Variants in NRG1 observed in about 807,000 individuals in gnomAD.
The protein encoded by NRG1 is neuregulin 1.
In NRG1, 18 loss-of-function variants were observed where a neutral mutation model predicts 63.8. The ratio of observed to expected loss-of-function variants is 0.28; its 90% confidence interval spans 0.19 to 0.42. The LOEUF is 0.42. Among genes scored for constraint, NRG1 ranks in the 10% least tolerant of loss-of-function variants. The probability of loss-of-function intolerance (pLI) is 1.00; values close to 1 mark genes in which losing one functional copy is unlikely to be tolerated. For synonymous variants in NRG1, 302 were observed against 301.3 expected (o/e 1.00, Z -0.02); for missense variants, 762 against 814.7 (o/e 0.94, Z 0.79).
At chr8:31,817,781 G>A (rs1003624763) in intron 1 of NRG1, among the ~76,000 whole-genome samples, 4 of 152,172 alleles carry the variant, frequency 2.6e-5, no homozygotes, top group Non-Finnish European at 4.4e-5. Context: ...AATGTGACAT[G>A]TTTTAGATTT....
intron 1 of NRG1, among the ~76,000 whole-genome samples, chr8:32,045,412 A>C (rs914335232): frequency 6.6e-6 from 1 of 151,938 alleles, no homozygotes; most frequent in African/African-American, 2.4e-5. Context: ...TACTGAGTTG[A>C]TCTATAGATT....
chr8:32,272,683 C>T (rs1340018528), intron 1 of NRG1, among the ~76,000 whole-genome samples: 1 of 152,152 alleles, frequency 6.6e-6, no homozygotes, highest in Non-Finnish European at 1.5e-5. Context: ...GATGAGAGTT[C>T]TTCACATAAA....
Position 32,045,610 on chromosome 8 carries a change from C to T in NRG1, c.37+406179C>T, listed in dbSNP as rs190653235. 2.7e-3 allele frequency among the ~76,000 whole-genome samples: 415 copies of T among 151,858 alleles called. 9 individuals carry two copies. The highest frequency in any genetic ancestry group is 0.023 in the Admixed American group (355 of 15,234). On this transcript the variant is annotated intron_variant, in intron 1 of 10. Transcript: ENST00000519301. The stretch of plus-strand genomic sequence containing the variant: ...GTAATCAAGAGTCTGGTATCAGAGA[C>T]GAGATCAGTGGGTCCCATAGATCAA...
At chr8:32,474,097 A>G (rs907748909) in intron 1 of NRG1, among the ~76,000 whole-genome samples, 1 of 152,222 alleles carries the variant, frequency 6.6e-6, no homozygotes, top group South Asian at 2.1e-4. Context: ...ATAGTAATAT[A>G]TTCCCATATA....
At chr8:31,768,837 T>G (rs1220689971) in intron 1 of NRG1, among the ~76,000 whole-genome samples, 1 of 152,210 alleles carries the variant, frequency 6.6e-6, no homozygotes, top group East Asian at 1.9e-4. Flanking sequence ...GACACTGTCA[T>G]AGAAGAGTCA....
At chr8:32,458,506 G>A (rs1271798394) in intron 1 of NRG1, among the ~76,000 whole-genome samples, 1 of 152,092 alleles carries the variant, frequency 6.6e-6, no homozygotes, top group South Asian at 2.1e-4. Context: ...TCAGTCATGG[G>A]CTGAGAGAAG....
intron 1 of NRG1, among the ~76,000 whole-genome samples, chr8:31,864,579 G>A (rs759036780): frequency 4.6e-5 from 7 of 152,102 alleles, no homozygotes; most frequent in Admixed American, 4.6e-4. Context: ...ACTGAAAGGC[G>A]GAAAGTGCAG....
chr8:31,770,838 A>G (rs957769896), intron 1 of NRG1, among the ~76,000 whole-genome samples: 1 of 151,080 alleles, frequency 6.6e-6, no homozygotes, highest in Non-Finnish European at 1.5e-5. Flanking sequence ...ATAGTTTTAC[A>G]CATACATAGG....
At chr8:31,889,701 G>A (rs775357209) in intron 1 of NRG1, among the ~76,000 whole-genome samples, 2 of 152,216 alleles carry the variant, frequency 1.3e-5, no homozygotes, top group Non-Finnish European at 2.9e-5. Context: ...ACCTCCAGAA[G>A]TAAAGCAGGA....
chr8:32,570,482 A>G (rs546891347), intron 1 of NRG1, among the ~76,000 whole-genome samples: 1 of 152,310 alleles, frequency 6.6e-6, no homozygotes, highest in East Asian at 1.9e-4. Flanking sequence ...AACTTCAGAA[A>G]AGAAAGGGCC....
chr8:31,659,850 ATACT>A (rs972651588), intron 1 of NRG1, among the ~76,000 whole-genome samples: 2 of 152,198 alleles, frequency 1.3e-5, no homozygotes, highest in Non-Finnish European at 2.9e-5. Context: ...AAAAGTGGAC[ATACT>A]TCAGCTTTCT....
intron 1 of NRG1, among the ~76,000 whole-genome samples, chr8:32,207,002 A>G (rs755118882): frequency 2.6e-5 from 4 of 152,168 alleles, no homozygotes; most frequent in Admixed American, 1.3e-4. Context: ...TAATCCATCT[A>G]TCTCCTCCGT....
intron 1 of NRG1, among the ~76,000 whole-genome samples, chr8:31,793,021 T>C (rs755366654): frequency 2.6e-5 from 4 of 152,218 alleles, no homozygotes; most frequent in South Asian, 4.1e-4. Context: ...AATTTCAATA[T>C]TCAGCAAATA....
In NRG1 at chr8:31,830,333, C is replaced by A. The variant is rs1223467258; in HGVS notation, c.37+190902C>A. ...TCCTTCCTTCCTTCCTTCCTTCCTTCCTTCCTTCCTTCCTTCCTTCCTTCC... is the reference window on the plus strand; with the variant it reads ...TCCTTCCTTCCTTCCTTCCTTCCTTACTTCCTTCCTTCCTTCCTTCCTTCC... On this transcript the variant is annotated intron_variant, in intron 1 of 10. Transcript: ENST00000519301. 5.6e-5 allele frequency among the ~76,000 whole-genome samples: 6 copies of A among 106,868 alleles called. No homozygotes were observed. The Admixed American group carries it at 6.5e-4, about 12-fold the overall frequency. The allele number at this position is 106,868 out of a possible 152,430, so 70.1% of individuals were successfully genotyped here. A position where few individuals can be genotyped will look rare whatever the true frequency, so the allele number is the denominator to read the frequency against.
chr8:32,340,105 T>A (rs1191215004), intron 1 of NRG1, among the ~76,000 whole-genome samples: 1 of 152,144 alleles, frequency 6.6e-6, no homozygotes, highest in Non-Finnish European at 1.5e-5. Context: ...AATGAAAAAA[T>A]GTGCCACTAC....
At position 32,678,364 on chromosome 8, in the gene NRG1, A is replaced by C. The variant is rs553867004; in HGVS notation, c.503-49585A>C. On this transcript the variant is annotated intron_variant, in intron 5 of 11. Coordinates refer to ENST00000356819, the Ensembl canonical transcript of NRG1. ...GAAGCAAAGAAACAAATAATAATGT[A>C]AATGTCATCTGTGATCTAAGATTGC... is the stretch of plus-strand genomic sequence containing the variant. 2.0e-5 allele frequency among the ~76,000 whole-genome samples: 3 copies of C among 152,328 alleles called. No individual in the cohort carries two copies. In the East Asian group the frequency reaches 5.8e-4, roughly 29 times the overall value.
intron 1 of NRG1, among the ~76,000 whole-genome samples, chr8:31,796,708 A>C (rs1415586602): frequency 6.6e-6 from 1 of 152,090 alleles, no homozygotes; most frequent in Non-Finnish European, 1.5e-5. Flanking sequence ...AAGTACTGGG[A>C]TTACAGGCGT....
chr8:32,348,178 C>T (rs1474668567), intron 1 of NRG1, among the ~76,000 whole-genome samples: 2 of 152,126 alleles, frequency 1.3e-5, no homozygotes, highest in Non-Finnish European at 2.9e-5. Flanking sequence ...CACAGCTAAT[C>T]CTAGCTCAAA....
chr8:32,164,088 C>T (rs142841345), intron 1 of NRG1, among the ~76,000 whole-genome samples: 364 of 152,248 alleles, frequency 2.4e-3, no homozygotes, highest in Middle Eastern at 0.01. Context: ...TTTCCCCTCA[C>T]CTCCGGACCT....
Sources: gnomAD v4.1 joint callset for allele counts (sites outside exome capture counted in the v4.1 genomes callset) on GRCh38, gnomAD v4.1.1 for gene constraint, MANE v1.5 for transcripts, NCBI Gene and HGNC (gene_info 2026-07-23, HGNC 2026-07-21) for gene names.